Variants in PTPRU observed in about 807,000 individuals in gnomAD.
PTPRU encodes protein tyrosine phosphatase receptor type U.
In PTPRU, 69 loss-of-function variants were observed where a neutral mutation model predicts 166.3. The ratio of observed to expected loss-of-function variants is 0.41; its 90% CI spans 0.34 to 0.51. The LOEUF (loss-of-function observed/expected upper bound fraction) is 0.51. Ranked by LOEUF, PTPRU falls within the 20% of genes least tolerant of loss-of-function variation. PTPRU has a pLI of 0.09. For synonymous variants in PTPRU, 793 were observed against 814.0 expected, an observed-to-expected ratio of 0.97 and a Z score of 0.44; for missense variants, 1,657 against 2,013.7, an observed-to-expected ratio of 0.82 and a Z score of 3.39.
chr1:29,259,337 C>T lies in PTPRU; in HGVS notation c.554C>T (p.Pro185Leu). ...GATGACATCCTGCTTCTCAGCTACC[C>T]CTGCGGTGAGTCCCAGCCCACTGGG... ...GLDDILLLSY[P>L]CAKAPHFSRL... Residue 185 changes from proline (P) to leucine (L), a missense_variant, in exon 4 of 30, where the codon CCC becomes CTC. Pro to Leu is a moderately conservative substitution (Grantham distance 98, BLOSUM62 -3). This residue lies in a region of PTPRU where 453 missense variants were observed against 496.9 expected (regional missense o/e 0.91). Coordinates refer to ENST00000373779, the MANE Select transcript of PTPRU (RefSeq NM_133178.4). The T allele has an allele frequency of 6.2e-7, 1 of 1,613,934 alleles. No homozygotes were observed.
rs1055004843 is a variant in PTPRU at position 29,238,032 on chromosome 1, T to G, written c.73+1315T>G. Among the ~76,000 whole-genome samples the G allele has an allele frequency of 4.0e-5, 6 of 150,974 alleles. No individual in the cohort carries two copies. Among genetic ancestry groups the G allele is most frequent in the African/African-American group, 1.5e-4 (6 of 41,140 alleles). ...TCCCTTGGTGGAGCCTGCAACTTTG[T>G]GCGGCCTCCCGGCCGGCCGGGACCG... On this transcript the variant is annotated intron_variant, in intron 1 of 29. Coordinates refer to ENST00000373779, the MANE Select transcript of PTPRU (RefSeq NM_133178.4). This position sits in a 1 kb window ranked among gnomAD's most constrained non-coding sequence, Gnocchi z 6.1.
At chr1:29,304,142 T>C in intron 16 of PTPRU, 97 bp downstream of exon 16, 1 of 1,366,842 alleles carries the variant, frequency 7.3e-7, no homozygotes, top group Non-Finnish European at 9.8e-7. Context: ...AGCCTAGTCC[T>C]GGTTGGACGC....
At chr1:29,296,939 C>T (rs573336992) in intron 15 of PTPRU, among the ~76,000 whole-genome samples, 4 of 151,516 alleles carry the variant, frequency 2.6e-5, no homozygotes, top group African/African-American at 7.3e-5. Flanking sequence ...GGTATTTGGC[C>T]ATTTTATTTA....
At chr1:29,259,599 G>GGGGGGGGGCC in intron 5 of PTPRU, 35 bp downstream of exon 5, 1 of 1,467,292 alleles carries the variant, frequency 6.8e-7, no homozygotes, top group African/African-American at 1.4e-5. Context: ...TGGGGGCGGG[G>GGGGGGGGGCC]TGGGAGGGGG....
intron 16 of PTPRU, 36 bp from the exon 17 acceptor site, chr1:29,304,738 C>T: frequency 1.3e-6 from 2 of 1,548,844 alleles, no homozygotes; most frequent in Non-Finnish European, 1.8e-6. Context: ...GTGAGGGTCC[C>T]TCTCTCCCAC....
chr1:29,259,278 C>T lies in PTPRU; in HGVS notation c.495C>T (p.Leu165=), dbSNP rs1326970997. 1.9e-6 allele frequency: 3 copies of T among 1,613,926 alleles called. No individual in the cohort carries two copies. The highest frequency in any genetic ancestry group is 4.5e-5 in the East Asian group (2 of 44,864). ...PNEYQVLFEA[L]ISPDRRGYMG... is the part of the protein sequence containing the mutation. ...TCCCCCAGGTGCTGTTTGAGGCCCT[C>T]ATCTCCCCAGACCGCAGGGGCTACA... Residue 165 remains leucine (L), a synonymous_variant, in exon 4 of 30, where the codon CTC becomes CTT. Coordinates refer to ENST00000373779, the MANE Select transcript of PTPRU (RefSeq NM_133178.4).
intron 2 of PTPRU, among the ~76,000 whole-genome samples, chr1:29,256,117 A>G (rs1311797496): frequency 6.6e-6 from 1 of 152,158 alleles, no homozygotes; most frequent in Non-Finnish European, 1.5e-5. Context: ...CTGTAAAATG[A>G]GGCAAACAGG....
intron 12 of PTPRU, 57 bp downstream of exon 12, chr1:29,283,006 A>C: frequency 6.3e-7 from 1 of 1,590,032 alleles, no homozygotes. Flanking sequence ...GATGGCAGAC[A>C]GGAGATACCT....
At chr1:29,287,761 AT>A (rs926443130) in intron 14 of PTPRU, among the ~76,000 whole-genome samples, 7 of 148,682 alleles carry the variant, frequency 4.7e-5, no homozygotes, top group South Asian at 2.1e-4. Flanking sequence ...CGCCCAGCTA[AT>A]TTTTTTTTTA....
chr1:29,313,469 T>C (rs1381153199), intron 22 of PTPRU, among the ~76,000 whole-genome samples: 1 of 152,328 alleles, frequency 6.6e-6, no homozygotes, highest in Non-Finnish European at 1.5e-5. Context: ...TGATATATAA[T>C]ACACTTAAAG....
In PTPRU at chr1:29,284,821, C is replaced by T. The variant is rs780357940; in HGVS notation, c.2270C>T (p.Ala757Val). ...LILGICAGGL[A>V]VLILLLGAII... ...CTGGGCATCTGTGCAGGGGGGCTTG[C>T]TGTCCTCATCCTTCTCCTGGGTGCC... The change falls in exon 14 of 30, where the codon GCT becomes GTT. Residue 757 changes from alanine to valine, a missense_variant. By Grantham distance (64) the Ala-to-Val change is moderately conservative. Around this residue, in one of 3 missense-constraint regions of PTPRU, gnomAD observed 1,190 missense variants for 1,477.4 expected, o/e 0.81. Coordinates refer to ENST00000373779, the MANE Select transcript of PTPRU (RefSeq NM_133178.4). The T allele has an allele frequency of 1.9e-6, 3 of 1,613,542 alleles. No individual in the cohort carries two copies. In the African/African-American group the frequency reaches 4.0e-5, roughly 22 times the overall value.
chr1:29,255,161 A>C, intron 1 of PTPRU, 114 bp from the exon 2 acceptor site: 3 of 1,275,484 alleles, frequency 2.4e-6, no homozygotes, highest in Non-Finnish European at 3.2e-6. Flanking sequence ...GGGCCTGAAG[A>C]GAGGGAGGAG....
rs183480048 is a variant in PTPRU, at chr1:29,273,837, G to A, written c.1145-1611G>A. ...GAGGCATCAGTGAATTCCTATTGGGGAGGTGGGGAGTGGTGGTTAAGAGCA... is the reference window on the plus strand; with the variant it reads ...GAGGCATCAGTGAATTCCTATTGGGAAGGTGGGGAGTGGTGGTTAAGAGCA... On this transcript the variant is annotated intron_variant, in intron 7 of 29. Coordinates refer to ENST00000373779, the MANE Select transcript of PTPRU (RefSeq NM_133178.4). 2.0e-3 allele frequency among the ~76,000 whole-genome samples: 302 copies of A among 152,276 alleles called. 1 individual carries two copies. Among genetic ancestry groups the A allele is most frequent in the Non-Finnish European group, 3.6e-3 (244 of 68,026 alleles).
At chr1:29,240,710 C>T (rs1684011170) in intron 1 of PTPRU, among the ~76,000 whole-genome samples, 1 of 152,164 alleles carries the variant, frequency 6.6e-6, no homozygotes, top group Non-Finnish European at 1.5e-5. Flanking sequence ...CCCTTCCAGC[C>T]CCCAGTCTCA....
intron 7 of PTPRU, among the ~76,000 whole-genome samples, chr1:29,263,059 A>C (rs1456417242): frequency 6.6e-6 from 1 of 152,146 alleles, no homozygotes; most frequent in Non-Finnish European, 1.5e-5. Context: ...ATCTCGGCTC[A>C]CTGCAACCTC....
chr1:29,258,638 C>T lies in PTPRU; in HGVS notation c.339C>T (p.Ser113=). 6.2e-7 allele frequency: 1 copy of T among 1,614,276 alleles called. No individual in the cohort carries two copies. Among genetic ancestry groups the T allele is most frequent in the Non-Finnish European group, 8.5e-7 (1 of 1,180,052 alleles). Residue 113 remains serine, a synonymous_variant, in exon 3 of 30, where the codon AGC becomes AGT. Transcript: ENST00000373779. ...SYFLYSRDGH[S]PGTLGVYVRV... is the part of the protein sequence containing the mutation. ...TCCTGTACAGCCGGGACGGGCACAGCCCGGGCACCCTGGGCGTCTACGTGC... is the reference window on the plus strand; with the variant it reads ...TCCTGTACAGCCGGGACGGGCACAGTCCGGGCACCCTGGGCGTCTACGTGC...
At chr1:29,240,165 C>A (rs1173260192) in intron 1 of PTPRU, among the ~76,000 whole-genome samples, 1 of 152,176 alleles carries the variant, frequency 6.6e-6, no homozygotes, top group African/African-American at 2.4e-5. Context: ...GATGGGCTCT[C>A]AGCTGTAAGC....
chr1:29,308,045 C>T (rs1687477700), intron 18 of PTPRU, among the ~76,000 whole-genome samples: 1 of 152,074 alleles, frequency 6.6e-6, no homozygotes, highest in Non-Finnish European at 1.5e-5. Context: ...GCATGAGCCA[C>T]CACACCTGGC....
At chr1:29,286,999 T>TG (rs1450037819) in intron 14 of PTPRU, among the ~76,000 whole-genome samples, 1 of 152,060 alleles carries the variant, frequency 6.6e-6, no homozygotes, top group Non-Finnish European at 1.5e-5. Context: ...GTCTGCATTG[T>TG]GGGTATCATG....
Sources: gnomAD v4.1 joint callset for allele counts (sites outside exome capture counted in the v4.1 genomes callset) on GRCh38, gnomAD v4.1.1 for gene constraint, gnomAD v4.1.1 regional missense constraint, Gnocchi (gnomAD v3.1) non-coding constraint, MANE v1.5 for transcripts, NCBI Gene and HGNC (gene_info 2026-07-23, HGNC 2026-07-21) for gene names.